PALLD: variants seen among roughly 807,000 people sequenced by gnomAD.
PALLD encodes the protein palladin, cytoskeletal associated protein.
In PALLD, 61 loss-of-function variants were observed where a neutral mutation model predicts 123.5. The ratio of observed to expected loss-of-function variants is 0.49; its 90% CI spans 0.40 to 0.61. The LOEUF is 0.61. Among genes scored for constraint, PALLD ranks in the 20% least tolerant of loss-of-function variants. PALLD has a pLI of 0.00. For missense variants in PALLD, 1,273 were observed against 1,377.0 expected, an observed-to-expected ratio of 0.92 and a Z score of 1.20; for synonymous variants, 465 against 496.4, an observed-to-expected ratio of 0.94 and a Z score of 0.84.
intron 20 of PALLD, 53 bp from the exon 21 acceptor site, chr4:168,925,180 T>C (rs1762328453): frequency 6.3e-7 from 1 of 1,579,644 alleles, no homozygotes; most frequent in Admixed American, 1.7e-5. Context: ...ACAACTATTG[T>C]GTTTTATTTG....
chr4:168,584,960 C>A (rs1042313550), intron 2 of PALLD, among the ~76,000 whole-genome samples: 3 of 152,102 alleles, frequency 2.0e-5, no homozygotes, highest in African/African-American at 7.2e-5. Context: ...TAGTAGAGTT[C>A]CCCCCTTTCT....
intron 10 of PALLD, among the ~76,000 whole-genome samples, chr4:168,854,756 G>C (rs1748336175): frequency 6.6e-6 from 1 of 152,170 alleles, no homozygotes; most frequent in African/African-American, 2.4e-5. Context: ...CGACAGAGAG[G>C]AAAAGAGAAT....
rs140415820 is a variant in PALLD at position 168,512,319 on chromosome 4, G to C, written c.815G>C (p.Arg272Pro). 1.2e-6 allele frequency: 2 copies of C among 1,614,122 alleles called. No individual in the cohort carries two copies. Among genetic ancestry groups the C allele is most frequent in the East Asian group, 2.2e-5 (1 of 44,882 alleles). Reference protein sequence around the residue: ...HSALHFPAAPRFIQKLRSQEV... With the variant: ...HSALHFPAAPPFIQKLRSQEV... ...GCCCTCCACTTCCCAGCTGCACCTC[G>C]ATTCATCCAAAAGCTGAGGAGCCAA... is the stretch of plus-strand genomic sequence containing the variant. The change falls in exon 2 of 22, where the codon CGA (arginine) becomes CCA (proline). Residue 272 changes from arginine to proline, a missense_variant. Arg to Pro is a moderately radical substitution (Grantham distance 103). This residue lies in a region of PALLD where 944 missense variants were observed against 954.5 expected (regional missense o/e 0.99). Transcript: ENST00000505667.
chr4:168,903,327 A>G lies in PALLD; in HGVS notation c.2473-430A>G, dbSNP rs185677418. On this transcript the variant is annotated intron_variant, in intron 14 of 21. Coordinates refer to ENST00000505667, the MANE Select transcript of PALLD (RefSeq NM_001166108.2). The stretch of plus-strand genomic sequence containing the variant: ...GGGGTCTGCTTTTGTTCTCCAAAAC[A>G]ACCTTTTTACCTTTATTTTATAAAC... 3.5e-3 allele frequency among the ~76,000 whole-genome samples: 530 copies of G among 152,300 alleles called. 22 individuals are homozygous for G. The highest frequency in any genetic ancestry group is 0.032 in the Admixed American group (497 of 15,298).
At chr4:168,897,077 C>T (rs1014167655) in intron 13 of PALLD, among the ~76,000 whole-genome samples, 3 of 152,170 alleles carry the variant, frequency 2.0e-5, no homozygotes, top group Admixed American at 6.5e-5. Context: ...GTGATCCACC[C>T]GCCTTGGCTT....
intron 10 of PALLD, among the ~76,000 whole-genome samples, chr4:168,769,868 A>G (rs1234990011): frequency 2.0e-5 from 3 of 152,206 alleles, no homozygotes; most frequent in East Asian, 1.9e-4. Context: ...GTTTTTAGTT[A>G]TCTACAGATT....
At chr4:168,782,960 G>A (rs1324263905) in intron 10 of PALLD, among the ~76,000 whole-genome samples, 2 of 151,850 alleles carry the variant, frequency 1.3e-5, no homozygotes, top group Non-Finnish European at 2.9e-5. Context: ...AAAGCAAGCA[G>A]TGGGCCAGAT....
Position 168,878,347 on chromosome 4 carries a change from G to A in PALLD, c.1965-12575G>A, listed in dbSNP as rs554297134. 9 of 1,519,002 alleles carry A rather than the reference G, an allele frequency of 5.9e-6. No homozygotes were observed. The highest frequency in any genetic ancestry group is 3.7e-5 in the South Asian group (3 of 82,094). 94.1% of individuals were successfully genotyped at this position (1,519,002 alleles called of 1,614,324 possible). On this transcript the variant is annotated intron_variant, in intron 10 of 21. Coordinates refer to ENST00000505667, the MANE Select transcript of PALLD (RefSeq NM_001166108.2). ...GCGCTCTGCTGCCCTCGCAGCCGCC[G>A]CCGGCGGCCGTCAACGCCCTGGGGC...
At chr4:168,560,672 G>A (rs1767775370) in intron 2 of PALLD, among the ~76,000 whole-genome samples, 2 of 152,154 alleles carry the variant, frequency 1.3e-5, no homozygotes, top group South Asian at 2.1e-4. Flanking sequence ...CAGAGAAGAA[G>A]CTCATTAACC....
Position 168,611,216 on chromosome 4 carries a change from A to G in PALLD, c.909-56974A>G, listed in dbSNP as rs116399123. Among the ~76,000 whole-genome samples, 736 of 152,334 alleles carry G rather than the reference A, an allele frequency of 4.8e-3. 3 individuals carry two copies. The highest frequency in any genetic ancestry group is 0.016 in the African/African-American group (682 of 41,570). ...CTGCGCCATACTCTGCCATTTGCTC[A>G]GGTTTCCTGACAGCTGCCACAACTG... On this transcript the variant is annotated intron_variant, in intron 2 of 21. Transcript: ENST00000505667.
intron 10 of PALLD, among the ~76,000 whole-genome samples, chr4:168,814,067 AT>A (rs1320644209): frequency 1.3e-5 from 2 of 152,206 alleles, no homozygotes; most frequent in Middle Eastern, 3.2e-3. Context: ...CAACAAAAAA[AT>A]GTATTAAGAC....
intron 10 of PALLD, among the ~76,000 whole-genome samples, chr4:168,889,507 T>C (rs62333016): frequency 0.53 from 80,689 of 151,966 alleles, 24,972 homozygotes; most frequent in East Asian, 0.88. Context: ...TCATGAACTA[T>C]GTAATATAAA....
At position 168,921,520 on chromosome 4, in the gene PALLD, C is replaced by A; in HGVS notation, c.2851-14C>A. 1 of 1,533,544 alleles carries A rather than the reference C, an allele frequency of 6.5e-7. No homozygotes were observed. Among genetic ancestry groups the A allele is most frequent in the Non-Finnish European group, 8.9e-7 (1 of 1,129,730 alleles). The allele number at this position is 1,533,544 out of a possible 1,614,324, so 95.0% of individuals were successfully genotyped here. A position where few individuals can be genotyped will look rare whatever the true frequency, so the allele number is the denominator to read the frequency against. ...TTAATACAAAAATTTACATGTATTT[C>A]TTTTATGATTTAGGTCAGTGGGTTA... On this transcript the variant is annotated splice_polypyrimidine_tract_variant and intron_variant, in intron 17 of 21. Transcript: ENST00000505667.
intron 2 of PALLD, among the ~76,000 whole-genome samples, chr4:168,626,865 A>C (rs1240124859): frequency 1.3e-5 from 2 of 152,210 alleles, no homozygotes; most frequent in Admixed American, 1.3e-4. Flanking sequence ...AAAAAGACAA[A>C]TACTGTATGA....
At chr4:168,887,484 T>G (rs1753538335) in intron 10 of PALLD, among the ~76,000 whole-genome samples, 1 of 152,222 alleles carries the variant, frequency 6.6e-6, no homozygotes, top group South Asian at 2.1e-4. Context: ...AGAACACAGC[T>G]CTTAGTGTAG....
chr4:168,853,329 C>G (rs1383730035), intron 10 of PALLD, among the ~76,000 whole-genome samples: 3 of 152,186 alleles, frequency 2.0e-5, no homozygotes, highest in African/African-American at 7.2e-5. Context: ...CTCAGATGCC[C>G]TCTAGACCAG....
At chr4:168,700,263 TTATC>T (rs1236292057) in intron 8 of PALLD, 2 of 153,876 alleles carry the variant, frequency 1.3e-5, no homozygotes, top group African/African-American at 4.8e-5. Context: ...TAAAAAAAAA[TTATC>T]TAGCAAAAAT....
intron 2 of PALLD, among the ~76,000 whole-genome samples, chr4:168,559,284 C>T (rs776616883): frequency 1.4e-4 from 22 of 152,186 alleles, no homozygotes; most frequent in East Asian, 9.7e-4. Flanking sequence ...AGCCAGCCAA[C>T]GCCACAGCAA....
intron 10 of PALLD, among the ~76,000 whole-genome samples, chr4:168,876,980 TG>T (rs1751832588): frequency 6.6e-6 from 1 of 152,248 alleles, no homozygotes; most frequent in South Asian, 2.1e-4. Context: ...CTCTTCTCAA[TG>T]GTAAATATTT....
Sources: gnomAD v4.1 joint callset for allele counts (sites outside exome capture counted in the v4.1 genomes callset) on GRCh38, gnomAD v4.1.1 for gene constraint, gnomAD v4.1.1 regional missense constraint, MANE v1.5 for transcripts, NCBI Gene and HGNC (gene_info 2026-07-23, HGNC 2026-07-21) for gene names.